Variants in OR51B5 observed in about 807,000 individuals in gnomAD.
OR51B5 encodes olfactory receptor 51B5.
For missense variants in OR51B5, 456 were observed against 374.6 expected (o/e 1.22, Z -1.79); for synonymous variants, 186 against 144.8 (o/e 1.28, Z -2.04).
At chr11:5,378,877 G>C (rs556600928) in intron 1 of OR51B5, among the ~76,000 whole-genome samples, 3 of 150,544 alleles carry the variant, frequency 2.0e-5, no homozygotes, top group African/African-American at 7.3e-5. Context: ...CTGTAAACTA[G>C]TTCAACCATT....
At chr11:5,403,324 G>A (rs1383690172) in intron 1 of OR51B5, 3 of 471,548 alleles carry the variant, frequency 6.4e-6, no homozygotes, top group East Asian at 6.9e-5. Context: ...CTCAACACAT[G>A]TGGCTCACAC....
intron 1 of OR51B5, chr11:5,403,516 G>T (rs747308599): frequency 2.1e-6 from 1 of 471,634 alleles, no homozygotes; most frequent in Admixed American, 2.3e-5. Context: ...GCCATTGTCC[G>T]AATGCTATTA....
At chr11:5,485,169 C>G (rs1034391261) in intron 1 of OR51B5, among the ~76,000 whole-genome samples, 8 of 152,140 alleles carry the variant, frequency 5.3e-5, no homozygotes, top group African/African-American at 1.9e-4. Flanking sequence ...CCCCTTCACT[C>G]TTAGCCCAGC....
At chr11:5,384,723 A>G (rs959298153) in intron 1 of OR51B5, among the ~76,000 whole-genome samples, 1 of 152,238 alleles carries the variant, frequency 6.6e-6, no homozygotes, top group Non-Finnish European at 1.5e-5. Context: ...TGCATTTTAT[A>G]TGCTGGTCCA....
chr11:5,420,827 T>G (rs1162465548), intron 1 of OR51B5, among the ~76,000 whole-genome samples: 1 of 152,210 alleles, frequency 6.6e-6, no homozygotes, highest in Non-Finnish European at 1.5e-5. Context: ...CAGTTTTGAT[T>G]TCTGTCTTCA....
chr11:5,471,816 C>T (rs1851233980), intron 1 of OR51B5, among the ~76,000 whole-genome samples: 1 of 152,094 alleles, frequency 6.6e-6, no homozygotes, highest in African/African-American at 2.4e-5. Flanking sequence ...TACTTAGCTT[C>T]CTCACGTCTT....
At chr11:5,344,981 C>T (rs906913791), upstream of OR51B5, among the ~76,000 whole-genome samples, 9 of 152,014 alleles carry the variant, frequency 5.9e-5, no homozygotes, top group East Asian at 5.8e-4. Context: ...AAAACCTGAC[C>T]GTATACAGAC....
At chr11:5,466,347 T>C (rs1200715150) in intron 1 of OR51B5, among the ~76,000 whole-genome samples, 1 of 152,192 alleles carries the variant, frequency 6.6e-6, no homozygotes, top group Non-Finnish European at 1.5e-5. Flanking sequence ...GAATACTTTT[T>C]AGTGTTGCAG....
chr11:5,366,433 C>G (rs1171334781), intron 1 of OR51B5, among the ~76,000 whole-genome samples: 1 of 152,024 alleles, frequency 6.6e-6, no homozygotes, highest in African/African-American at 2.4e-5. Flanking sequence ...ATGGTGAAAC[C>G]CTGTCTCTAA....
At chr11:5,419,053 G>A (rs1302587598) in intron 1 of OR51B5, among the ~76,000 whole-genome samples, 1 of 152,062 alleles carries the variant, frequency 6.6e-6, no homozygotes, top group African/African-American at 2.4e-5. Context: ...TATGACATCT[G>A]AGGACTTACT....
intron 1 of OR51B5, among the ~76,000 whole-genome samples, chr11:5,417,316 T>C (rs1850258540): frequency 6.6e-6 from 1 of 150,934 alleles, no homozygotes; most frequent in African/African-American, 2.4e-5. Flanking sequence ...CCTAAAACCA[T>C]AAAAACCCTA....
chr11:5,401,459 C>T (rs982506015), intron 1 of OR51B5, among the ~76,000 whole-genome samples: 9 of 152,196 alleles, frequency 5.9e-5, no homozygotes, highest in Admixed American at 5.9e-4. Flanking sequence ...ACAGCTAGCC[C>T]AGTGTGGGTC....
chr11:5,475,711 T>C (rs1213352300), intron 1 of OR51B5, among the ~76,000 whole-genome samples: 1 of 152,068 alleles, frequency 6.6e-6, no homozygotes, highest in Non-Finnish European at 1.5e-5. Flanking sequence ...CATGACCATC[T>C]CTCCTATTCT....
chr11:5,422,590 TC>T (rs1850362184), intron 1 of OR51B5: 1 of 1,614,022 alleles, frequency 6.2e-7, no homozygotes, highest in Admixed American at 1.7e-5. Flanking sequence ...CCATCTGCTG[TC>T]CCCTCCATTA....
At chr11:5,505,398 C>A in intron 1 of OR51B5, 1 of 1,304,130 alleles carries the variant, frequency 7.7e-7, no homozygotes, top group Non-Finnish European at 1.0e-6. Flanking sequence ...TCTTCATTTC[C>A]CCTAGCACCA....
chr11:5,488,637 C>G lies in OR51B5; in HGVS notation n.84+16932G>C, dbSNP rs760605048. 6.0e-4 allele frequency: 664 copies of G among 1,108,116 alleles called. 1 individual carries two copies. The highest frequency in any genetic ancestry group is 7.9e-4 in the Non-Finnish European group (601 of 760,094). The allele number at this position is 1,108,116 out of a possible 1,614,324, so 68.6% of individuals were successfully genotyped here. A position where few individuals can be genotyped will look rare whatever the true frequency, so the allele number is the denominator to read the frequency against. ...AAGATCTTTGTTTTACATAAATCAA[C>G]CAAATATCTGATGTTACAGGGCAAG... On this transcript the variant is annotated intron_variant and non_coding_transcript_variant, in intron 1 of 4. Transcript: ENST00000415970.
At chr11:5,454,120 T>C (rs766256213) in intron 1 of OR51B5, 1 of 1,614,228 alleles carries the variant, frequency 6.2e-7, no homozygotes, top group Non-Finnish European at 8.5e-7. Context: ...GGCATGGACC[T>C]GTTTTTTATC....
chr11:5,448,871 G>T (rs58411917), intron 1 of OR51B5, among the ~76,000 whole-genome samples: 1 of 152,104 alleles, frequency 6.6e-6, no homozygotes, highest in Admixed American at 6.5e-5. Flanking sequence ...TTATTCACCA[G>T]AAGATATTTT....
chr11:5,423,111 G>A lies in OR51B5; in HGVS notation n.85-76201C>T, dbSNP rs764277738. 41 of 1,606,526 alleles carry A rather than the reference G, an allele frequency of 2.6e-5. No homozygotes were observed. The East Asian group carries it at 8.9e-4, about 35-fold the overall frequency. On this transcript the variant is annotated intron_variant and non_coding_transcript_variant, in intron 1 of 4. Coordinates refer to the OR51B5 transcript ENST00000415970. ...GTAAAGAACAAGCAGATCCAATGGG[G>A]AATGTTAAATTTCCTTTCCCTCAAA...
Sources: gnomAD v4.1 joint callset for allele counts (sites outside exome capture counted in the v4.1 genomes callset) on GRCh38, gnomAD v4.1.1 for gene constraint, MANE v1.5 for transcripts, NCBI Gene and HGNC (gene_info 2026-07-23, HGNC 2026-07-21) for gene names.